CSMD1: variants seen among roughly 807,000 people sequenced by gnomAD.
CSMD1 encodes the protein CUB and sushi domain-containing protein 1.
In CSMD1, 213 loss-of-function variants were observed where a neutral mutation model predicts 417.5. The observed-to-expected ratio is 0.51, with a 90% CI of 0.46 to 0.57. CSMD1 has a LOEUF of 0.57. Ranked by LOEUF, CSMD1 falls within the 20% of genes least tolerant of loss-of-function variation. The pLI, the probability that CSMD1 is intolerant of heterozygous loss-of-function variation, is 0.00. For synonymous variants in CSMD1, 2,862 were observed against 1,736.8 expected (o/e 1.65, Z -16.11); for missense variants, 6,923 against 4,529.7 (o/e 1.53, Z -15.17).
chr8:3,284,368 C>A (rs973717121), intron 25 of CSMD1, 22 bp from the exon 26 acceptor site: 12 of 1,580,092 alleles, frequency 7.6e-6, no homozygotes, highest in East Asian at 2.2e-5. Context: ...AACACAGTAG[C>A]GCTACTTGCC....
At chr8:3,671,528 CATATATATATATATATG>C (rs1799047850) in intron 7 of CSMD1, among the ~76,000 whole-genome samples, 7 of 50,210 alleles carry the variant, frequency 1.4e-4, no homozygotes, top group Admixed American at 1.1e-3. Context: ...TATATATGAT[CATATATATATATATATG>C]ATCATATATA....
intron 7 of CSMD1, among the ~76,000 whole-genome samples, chr8:3,689,429 G>A (rs1420469193): frequency 2.0e-5 from 3 of 152,158 alleles, no homozygotes; most frequent in Admixed American, 1.3e-4. Flanking sequence ...AGGAAATGGC[G>A]GGATAGTTAG....
rs532594860 is a variant in CSMD1, at chr8:3,448,844, C to T, written c.1561+19868G>A. Among the ~76,000 whole-genome samples, 3 of 152,310 alleles carry T rather than the reference C, an allele frequency of 2.0e-5. No individual in the cohort carries two copies. In the South Asian group the frequency reaches 6.2e-4, roughly 32 times the overall value. ...ACACAACTTCATGGATAATTGTCTC[C>T]ACTCTCCACTAATTTTGGAAAACTT... On this transcript the variant is annotated intron_variant, in intron 12 of 69. Transcript: ENST00000635120.
chr8:3,699,307 C>G (rs1018329579), intron 7 of CSMD1, among the ~76,000 whole-genome samples: 3 of 152,216 alleles, frequency 2.0e-5, no homozygotes, highest in Non-Finnish European at 4.4e-5. Context: ...TCCTTCCATG[C>G]AGTGGATATC....
intron 2 of CSMD1, among the ~76,000 whole-genome samples, chr8:4,422,896 C>T (rs1358422342): frequency 6.6e-6 from 1 of 151,880 alleles, no homozygotes. Flanking sequence ...TCCATATAAT[C>T]TGCAATATTA....
chr8:3,802,322 T>C lies in CSMD1; in HGVS notation c.819-48280A>G, dbSNP rs937117939. ...AAAATACTATTGCCATTTATTATAG[T>C]AATTCCTATTATGTTATACATCTGT... On this transcript the variant is annotated intron_variant, in intron 5 of 69. Transcript: ENST00000635120. Among the ~76,000 whole-genome samples the C allele has an allele frequency of 1.7e-4, 26 of 152,186 alleles. 1 individual carries two copies. Among genetic ancestry groups the C allele is most frequent in the South Asian group, 2.1e-4 (1 of 4,828 alleles).
chr8:3,257,042 C>A (rs912666240), intron 26 of CSMD1, among the ~76,000 whole-genome samples: 1 of 152,156 alleles, frequency 6.6e-6, no homozygotes, highest in Non-Finnish European at 1.5e-5. Flanking sequence ...CTTCTGAGGG[C>A]CAGGTACAGT....
At chr8:4,608,702 C>T (rs1585324457) in intron 2 of CSMD1, among the ~76,000 whole-genome samples, 1 of 152,094 alleles carries the variant, frequency 6.6e-6, no homozygotes, top group East Asian at 1.9e-4. Context: ...TGAAAATTAT[C>T]CTTCAGGCAT....
At chr8:4,430,563 G>A (rs186515800) in intron 2 of CSMD1, among the ~76,000 whole-genome samples, 1 of 151,808 alleles carries the variant, frequency 6.6e-6, no homozygotes, top group Non-Finnish European at 1.5e-5. Context: ...AGTTACTCTG[G>A]GGAAGAAAAT....
intron 1 of CSMD1, among the ~76,000 whole-genome samples, chr8:4,746,638 C>G (rs552559747): frequency 6.6e-6 from 1 of 152,304 alleles, no homozygotes; most frequent in African/African-American, 2.4e-5. Flanking sequence ...ATTATACAAT[C>G]CAACCTGGGC....
intron 3 of CSMD1, among the ~76,000 whole-genome samples, chr8:4,049,901 T>G (rs1424522440): frequency 1.3e-5 from 1 of 74,332 alleles, no homozygotes; most frequent in African/African-American, 6.2e-5. Context: ...ACGTTCGCTT[T>G]CTGTTTCAGG....
intron 25 of CSMD1, among the ~76,000 whole-genome samples, chr8:3,293,131 T>C (rs908829084): frequency 6.2e-5 from 8 of 128,430 alleles, no homozygotes; most frequent in African/African-American, 1.2e-4. Context: ...AAATTCTTTC[T>C]TTTAAGAATG....
rs1006438681 is a variant in CSMD1, at chr8:4,381,349, A to G, written c.415+38604T>C. Reference sequence around the variant, plus strand: ...TCATTCCCAACACAATGGATGAGGCATCTGGTGACCCTATGACCCTGTGGC... The same window carrying G: ...TCATTCCCAACACAATGGATGAGGCGTCTGGTGACCCTATGACCCTGTGGC... On this transcript the variant is annotated intron_variant, in intron 3 of 69. Coordinates refer to ENST00000635120, the MANE Select transcript of CSMD1 (RefSeq NM_033225.6). 2.0e-5 allele frequency among the ~76,000 whole-genome samples: 3 copies of G among 152,264 alleles called. 1 individual carries two copies. Among genetic ancestry groups the G allele is most frequent in the African/African-American group, 7.2e-5 (3 of 41,556 alleles).
intron 1 of CSMD1, among the ~76,000 whole-genome samples, chr8:4,809,762 G>GT (rs914778820): frequency 1.3e-5 from 2 of 152,238 alleles, no homozygotes; most frequent in African/African-American, 2.4e-5. Context: ...GATAATTCAT[G>GT]TTTTTTTACA....
At chr8:3,387,410 A>T (rs746709991) in intron 18 of CSMD1, 84 bp downstream of exon 18, 113 of 1,197,442 alleles carry the variant, frequency 9.4e-5, no homozygotes, top group Non-Finnish European at 7.9e-5. Flanking sequence ...CACCCCCTGA[A>T]ATACACACAC....
intron 26 of CSMD1, among the ~76,000 whole-genome samples, chr8:3,239,942 A>G (rs1232991069): frequency 6.6e-6 from 1 of 151,786 alleles, no homozygotes; most frequent in Non-Finnish European, 1.5e-5. Flanking sequence ...ACAAAGAGTG[A>G]ATACAGCTGA....
chr8:4,267,429 C>T (rs1473940949), intron 3 of CSMD1, among the ~76,000 whole-genome samples: 1 of 147,196 alleles, frequency 6.8e-6, no homozygotes, highest in African/African-American at 2.4e-5. Flanking sequence ...TAAGCTTCTA[C>T]AGCAGAGTAA....
chr8:3,315,454 G>GTA (rs201682870), intron 23 of CSMD1, among the ~76,000 whole-genome samples: 9,861 of 151,890 alleles, frequency 0.065, 412 homozygotes, highest in Non-Finnish European at 0.087. Flanking sequence ...GTGTGTGTGT[G>GTA]TGTGTGTGAT....
intron 3 of CSMD1, among the ~76,000 whole-genome samples, chr8:4,182,088 C>T (rs1011134342): frequency 1.1e-4 from 16 of 151,242 alleles, no homozygotes; most frequent in Admixed American, 2.0e-4. Flanking sequence ...TTTAAACCTA[C>T]CTGAATAGCA....
Sources: gnomAD v4.1 joint callset for allele counts (sites outside exome capture counted in the v4.1 genomes callset) on GRCh38, gnomAD v4.1.1 for gene constraint, MANE v1.5 for transcripts, NCBI Gene and HGNC (gene_info 2026-07-23, HGNC 2026-07-21) for gene names.